Variants in MMP26 observed in about 807,000 individuals in gnomAD.
MMP26 encodes the protein matrix metallopeptidase 26, also known as matrix metalloproteinase-26.
A neutral mutation model predicts 31.0 loss-of-function variants in MMP26; 33 were observed. The observed-to-expected ratio is 1.06, with a 90% confidence interval of 0.81 to 1.42. The LOEUF (loss-of-function observed/expected upper bound fraction) is 1.42. Among genes scored for constraint, MMP26 ranks in the 40% most tolerant of loss-of-function variants. The pLI, the probability that MMP26 is intolerant of heterozygous loss-of-function variation, is 0.00. For synonymous variants in MMP26, 122 were observed against 114.9 expected, an observed-to-expected ratio of 1.06 and a Z score of -0.40; for missense variants, 347 against 316.1, an observed-to-expected ratio of 1.10 and a Z score of -0.74.
intron 1 of MMP26, among the ~76,000 whole-genome samples, chr11:4,733,293 TGTTGTTCCATTTACATTTATAACAC>T (rs1333645748): frequency 6.6e-6 from 1 of 152,228 alleles, no homozygotes; most frequent in Non-Finnish European, 1.5e-5. Flanking sequence ...GAATATGACA[TGTTGTTCCATTTACATTTATAACAC>T]GTTGTTCCAA....
chr11:4,885,319 T>C (rs1166616713), intron 2 of MMP26, among the ~76,000 whole-genome samples: 3 of 152,142 alleles, frequency 2.0e-5, no homozygotes, highest in African/African-American at 7.2e-5. Context: ...AGAGATTATA[T>C]AATATAGTCA....
intron 1 of MMP26, chr11:4,723,388 T>C: frequency 1.1e-6 from 1 of 949,792 alleles, no homozygotes; most frequent in Non-Finnish European, 1.7e-6. Flanking sequence ...CACCTTGTAC[T>C]GCGCCTTGAC....
chr11:4,766,774 G>A (rs1190466557), intron 1 of MMP26, among the ~76,000 whole-genome samples: 1 of 121,934 alleles, frequency 8.2e-6, no homozygotes, highest in Non-Finnish European at 1.6e-5. Flanking sequence ...TCCTCCCACG[G>A]TTTCTCTCTC....
chr11:4,832,741 G>A, intron 2 of MMP26: 1 of 179,436 alleles, frequency 5.6e-6, no homozygotes, highest in Non-Finnish European at 1.2e-5. Context: ...TTTGTTCGTT[G>A]CACTCTGCAT....
chr11:4,800,809 C>A (rs1376564749), intron 2 of MMP26, among the ~76,000 whole-genome samples: 1 of 151,358 alleles, frequency 6.6e-6, no homozygotes, highest in Non-Finnish European at 1.5e-5. Context: ...CCATCTCTTG[C>A]ATGGTTTGCT....
At chr11:4,991,040 C>G (rs1846992929) in intron 5 of MMP26, among the ~76,000 whole-genome samples, 1 of 152,134 alleles carries the variant, frequency 6.6e-6, no homozygotes, top group Admixed American at 6.5e-5. Context: ...CAAAGTTGAA[C>G]CAACTTACTT....
chr11:4,969,547 A>C (rs116910349), intron 2 of MMP26, among the ~76,000 whole-genome samples: 179 of 152,172 alleles, frequency 1.2e-3, no homozygotes, highest in Non-Finnish European at 1.3e-3. Context: ...TTAGGTAAAC[A>C]TTACAAAAGT....
chr11:4,782,327 T>C (rs1380136520), intron 2 of MMP26, among the ~76,000 whole-genome samples: 1 of 152,110 alleles, frequency 6.6e-6, no homozygotes, highest in Non-Finnish European at 1.5e-5. Flanking sequence ...GGAGCAAAGG[T>C]GACTCTTGTT....
intron 1 of MMP26, among the ~76,000 whole-genome samples, chr11:4,744,611 C>G (rs182656755): frequency 6.6e-6 from 1 of 152,098 alleles, no homozygotes; most frequent in Non-Finnish European, 1.5e-5. Flanking sequence ...GATCATTTAC[C>G]TCGCCCCACA....
rs1418821569 is a variant in MMP26 at position 4,895,825 on chromosome 11, G to A, written c.-144-92243G>A. On this transcript the variant is annotated intron_variant, in intron 2 of 7. Transcript: ENST00000380390. ...ACTGACTATAGTCCTAGCTACTCAG[G>A]AGGGTCACTTAAGCCTAGTAGTTTT... Among the ~76,000 whole-genome samples, 3 of 152,160 alleles carry A rather than the reference G, an allele frequency of 2.0e-5. 1 individual carries two copies. Among genetic ancestry groups the A allele is most frequent in the African/African-American group, 7.2e-5 (3 of 41,438 alleles).
intron 1 of MMP26, among the ~76,000 whole-genome samples, chr11:4,716,594 A>C (rs1408796901): frequency 6.7e-6 from 1 of 150,038 alleles, no homozygotes; most frequent in African/African-American, 2.4e-5. Flanking sequence ...GAATAGAAAA[A>C]ATCTCTTATG....
chr11:4,705,847 GTGTGGTGGCA>G (rs71466197), intron 1 of MMP26, among the ~76,000 whole-genome samples: 5,623 of 151,990 alleles, frequency 0.037, 186 homozygotes, highest in Non-Finnish European at 0.058. Context: ...AATTAGCTGG[GTGTGGTGGCA>G]TGTACCTGTA....
At position 4,862,154 on chromosome 11, in the gene MMP26, G is replaced by A. The variant is rs180885943; in HGVS notation, c.-145+94813G>A. ...CCTAGCTATCCTTCCCAATTATGCC[G>A]ATTCCAAATATCCATAGTAGCTTAA... On this transcript the variant is annotated intron_variant, in intron 2 of 7. Coordinates refer to ENST00000380390, the MANE Select transcript of MMP26 (RefSeq NM_021801.5). Among the ~76,000 whole-genome samples the A allele has an allele frequency of 1.6e-3, 243 of 152,214 alleles. 2 individuals carry two copies. Among genetic ancestry groups the A allele is most frequent in the African/African-American group, 3.9e-3 (164 of 41,538 alleles).
chr11:4,936,363 G>A (rs540086450), intron 2 of MMP26, among the ~76,000 whole-genome samples: 34 of 151,884 alleles, frequency 2.2e-4, no homozygotes, highest in African/African-American at 6.5e-4. Flanking sequence ...GTTTATTTGC[G>A]TAGAGGTGTT....
intron 2 of MMP26, among the ~76,000 whole-genome samples, chr11:4,853,642 A>G (rs1370270697): frequency 1.3e-5 from 2 of 152,204 alleles, no homozygotes; most frequent in African/African-American, 4.8e-5. Flanking sequence ...AAAGTCAATT[A>G]CTAATTAAAA....
chr11:4,892,257 T>C (rs1850636185), intron 2 of MMP26, among the ~76,000 whole-genome samples: 1 of 152,106 alleles, frequency 6.6e-6, no homozygotes, highest in Admixed American at 6.6e-5. Context: ...TCAGCCACTC[T>C]CTCTCCCCTA....
At chr11:4,813,826 T>TA (rs71050432) in intron 2 of MMP26, among the ~76,000 whole-genome samples, 15,195 of 150,694 alleles carry the variant, frequency 0.1, 927 homozygotes, top group Middle Eastern at 0.16. Flanking sequence ...TTCATTAAAA[T>TA]AAAAAAAAAT....
intron 2 of MMP26, chr11:4,769,982 T>C (rs763767839): frequency 3.1e-5 from 24 of 774,050 alleles, no homozygotes; most frequent in Middle Eastern, 4.7e-4. Flanking sequence ...ATACATTAAG[T>C]GTTATGTAAA....
intron 2 of MMP26, among the ~76,000 whole-genome samples, chr11:4,986,910 T>TCTCTCTCTCTCTCTCTCTCC (rs1846900064): frequency 2.0e-5 from 2 of 98,434 alleles, no homozygotes; most frequent in African/African-American, 3.9e-5. Flanking sequence ...TTCCTTTCTC[T>TCTCTCTCTCTCTCTCTCTCC]CTCTCTCTCT....
Sources: allele counts gnomAD v4.1 joint callset (sites outside exome capture counted in the v4.1 genomes callset), GRCh38; gene constraint gnomAD v4.1.1; transcripts MANE v1.5; gene names NCBI Gene and HGNC (gene_info 2026-07-23, HGNC 2026-07-21).